ZNF717: variants seen among roughly 807,000 people sequenced by gnomAD.
ZNF717 encodes zinc finger protein 717.
Under a neutral mutation model 13.8 loss-of-function variants are expected in ZNF717, and 9 were observed. The ratio of observed to expected loss-of-function variants is 0.65; its 90% CI spans 0.39 to 1.14. ZNF717 has a LOEUF of 1.14. Ranked by LOEUF, ZNF717 falls within the 50% of genes most tolerant of loss-of-function variation. ZNF717 has a pLI of 0.01. For synonymous variants in ZNF717, 327 were observed against 364.1 expected (o/e 0.90, Z 1.16); for missense variants, 1,040 against 1,080.7 (o/e 0.96, Z 0.53).
At chr3:75,759,231 T>TA (rs58315208) in intron 2 of ZNF717, among the ~76,000 whole-genome samples, 21 of 115,864 alleles carry the variant, frequency 1.8e-4, no homozygotes, top group Middle Eastern at 4.8e-3. Context: ...ATTGTACACT[T>TA]AAAAAAAAAA....
chr3:75,776,435 G>C (rs1386222610), intron 2 of ZNF717, among the ~76,000 whole-genome samples: 1 of 152,224 alleles, frequency 6.6e-6, no homozygotes, highest in Admixed American at 6.5e-5. Flanking sequence ...TTGTATAAAA[G>C]CTCTTCCATG....
chr3:75,752,130 C>A (rs1180210163), intron 2 of ZNF717, among the ~76,000 whole-genome samples: 1 of 150,458 alleles, frequency 6.6e-6, no homozygotes, highest in Non-Finnish European at 1.5e-5. Flanking sequence ...AATATCTGTC[C>A]CCCACATAGC....
Position 75,741,301 on chromosome 3 carries a change from T to G in ZNF717, c.252A>C (p.Glu84Asp). Residue 84 changes from glutamate (E) to aspartate (D), a missense_variant, in exon 4 of 5, where the codon GAA becomes GAC. Glu to Asp is a conservative substitution (Grantham distance 45). Around this residue, in one of 3 missense-constraint regions of ZNF717, gnomAD observed 123 missense variants for 177.8 expected, o/e 0.69. Transcript: ENST00000652011. ...CTGAAAGTCTCAGGTTTGGGGTTTC[T>G]TCTACTATCCATGGCTCTGCTCCTT... ...LEQGAEPWIVEETPNLRLSAV... is the reference protein window; with the variant it reads ...LEQGAEPWIVDETPNLRLSAV... The G allele has an allele frequency of 1.3e-6, 2 of 1,549,086 alleles. No homozygotes were observed. The highest frequency in any genetic ancestry group is 1.7e-6 in the Non-Finnish European group (2 of 1,144,672).
downstream of ZNF717, among the ~76,000 whole-genome samples, chr3:75,707,697 T>C (rs1171252663): frequency 6.6e-6 from 1 of 152,124 alleles, no homozygotes; most frequent in Non-Finnish European, 1.5e-5. Flanking sequence ...TTCCCTTTCC[T>C]AGTCAAAGAA....
downstream of ZNF717, among the ~76,000 whole-genome samples, chr3:75,708,347 A>G (rs1411408503): frequency 2.0e-5 from 3 of 152,306 alleles, no homozygotes; most frequent in Non-Finnish European, 4.4e-5. Context: ...GCTGATACCC[A>G]GGCAAACAGG....
intron 2 of ZNF717, among the ~76,000 whole-genome samples, chr3:75,744,599 G>T (rs1272891514): frequency 1.4e-4 from 22 of 152,312 alleles, no homozygotes; most frequent in Admixed American, 1.1e-3. Context: ...AACGGCTGGA[G>T]GATCCGCGTG....
Position 75,741,300 on chromosome 3 carries a change from C to G in ZNF717, c.253G>C (p.Glu85Gln). Residue 85 changes from glutamate to glutamine, a missense_variant, in exon 4 of 5, where the codon GAA (glutamate) becomes CAA (glutamine). Glu to Gln is a conservative substitution (Grantham distance 29). Coordinates refer to ENST00000652011, the MANE Select transcript of ZNF717 (RefSeq NM_001290208.3). Reference protein sequence around the residue: ...EQGAEPWIVEETPNLRLSAVQ... With the variant: ...EQGAEPWIVEQTPNLRLSAVQ... ...CCTGAAAGTCTCAGGTTTGGGGTTTCTTCTACTATCCATGGCTCTGCTCCT... is the reference window on the plus strand; with the variant it reads ...CCTGAAAGTCTCAGGTTTGGGGTTTGTTCTACTATCCATGGCTCTGCTCCT... 6.5e-7 allele frequency: 1 copy of G among 1,549,002 alleles called. No homozygotes were observed. Among genetic ancestry groups the G allele is most frequent in the Non-Finnish European group, 8.7e-7 (1 of 1,144,614 alleles).
intron 2 of ZNF717, among the ~76,000 whole-genome samples, chr3:75,749,671 G>A (rs1575820706): frequency 6.6e-6 from 1 of 151,954 alleles, no homozygotes; most frequent in African/African-American, 2.4e-5. Flanking sequence ...AAACACTGCT[G>A]CTGGATTCTG....
intron 2 of ZNF717, among the ~76,000 whole-genome samples, chr3:75,765,691 C>A (rs1943409767): frequency 6.6e-6 from 1 of 152,138 alleles, no homozygotes; most frequent in African/African-American, 2.4e-5. Flanking sequence ...AGATTACGAG[C>A]ATGAGCCACC....
chr3:75,777,043 C>G (rs112497540), intron 2 of ZNF717, among the ~76,000 whole-genome samples: 67 of 138,316 alleles, frequency 4.8e-4, no homozygotes, highest in South Asian at 9.2e-4. Flanking sequence ...TCGTAAGAGT[C>G]TCCCTGGTGC....
intron 2 of ZNF717, among the ~76,000 whole-genome samples, chr3:75,775,156 AT>A (rs200933142): frequency 0.038 from 5,211 of 136,818 alleles, 68 homozygotes; most frequent in South Asian, 0.068. Context: ...TAGGGACAGG[AT>A]TTTACCATGT....
At chr3:75,714,174 A>AGTCAGGCTGAT (rs1938003252) in intron 5 of ZNF717, among the ~76,000 whole-genome samples, 1 of 151,880 alleles carries the variant, frequency 6.6e-6, no homozygotes, top group Non-Finnish European at 1.5e-5. Flanking sequence ...GCCTGACATC[A>AGTCAGGCTGAT]GTCAGGCCCT....
At chr3:75,697,516 C>A (rs1189858552) in intron 6 of ZNF717, among the ~76,000 whole-genome samples, 2 of 152,296 alleles carry the variant, frequency 1.3e-5, no homozygotes, top group African/African-American at 4.8e-5. Context: ...TTTTTCACTC[C>A]TGCTTTTTGC....
chr3:75,776,518 T>C (rs1462923303), intron 2 of ZNF717, among the ~76,000 whole-genome samples: 1 of 152,284 alleles, frequency 6.6e-6, no homozygotes, highest in Non-Finnish European at 1.5e-5. Context: ...AAGCCTTTTA[T>C]GGTTCACTGA....
chr3:75,728,452 G>A (rs1290367264), downstream of ZNF717, among the ~76,000 whole-genome samples: 8 of 152,220 alleles, frequency 5.3e-5, no homozygotes, highest in Non-Finnish European at 4.4e-5. Flanking sequence ...ACTGGGGTAA[G>A]GGGAAAACAT....
exon 6 of ZNF717, chr3:75,709,944 T>C (rs1268304059): frequency 1.3e-5 from 2 of 152,194 alleles, no homozygotes; most frequent in African/African-American, 2.4e-5. Flanking sequence ...CAGGGGGTAA[T>C]TGGCACCTAA....
chr3:75,738,378 T>C lies in ZNF717; in HGVS notation c.1245A>G (p.Arg415=), dbSNP rs1241253105. 1.3e-6 allele frequency: 2 copies of C among 1,541,870 alleles called. No homozygotes were observed. Among genetic ancestry groups the C allele is most frequent in the South Asian group, 2.4e-5 (2 of 83,504 alleles). ...CATAGGGCTTTTCCCCTGTGTGAGT[T>C]CTATGATGTATTGTGAGGTATGACT... The part of the protein sequence containing the change: ...SQKSYLTIHH[R]THTGEKPYAC... Residue 415 remains arginine (R), a synonymous_variant, in exon 5 of 5, where the codon AGA becomes AGG. Coordinates refer to ENST00000652011, the MANE Select transcript of ZNF717 (RefSeq NM_001290208.3).
At chr3:75,751,676 A>G (rs1004373584) in intron 2 of ZNF717, among the ~76,000 whole-genome samples, 12 of 142,172 alleles carry the variant, frequency 8.4e-5, no homozygotes, top group Non-Finnish European at 1.4e-4. Context: ...ATTTCAGAAC[A>G]CTCCTGCTGT....
chr3:75,701,699 A>G (rs1259385335), intron 6 of ZNF717, among the ~76,000 whole-genome samples: 3 of 152,388 alleles, frequency 2.0e-5, no homozygotes, highest in African/African-American at 7.2e-5. Flanking sequence ...CAATAAATAA[A>G]TAGATAACCC....
Sources: allele counts gnomAD v4.1 joint callset (sites outside exome capture counted in the v4.1 genomes callset), GRCh38; gene constraint gnomAD v4.1.1; regional missense constraint gnomAD v4.1.1; transcripts MANE v1.5; gene names NCBI Gene and HGNC (gene_info 2026-07-23, HGNC 2026-07-21).